Variants in NPAS3 observed in about 807,000 individuals in gnomAD.
NPAS3 encodes the protein neuronal PAS domain protein 3, also known as neuronal PAS domain-containing protein 3.
In NPAS3, 14 loss-of-function variants were observed where a neutral mutation model predicts 73.1. The observed-to-expected ratio is 0.19, with a 90% CI of 0.13 to 0.30. The LOEUF (loss-of-function observed/expected upper bound fraction) is 0.30. Among genes scored for constraint, NPAS3 ranks in the 10% least tolerant of loss-of-function variants. The pLI is 1.00. For missense variants in NPAS3, 1,096 were observed against 1,250.0 expected, an observed-to-expected ratio of 0.88 and a Z score of 1.86; for synonymous variants, 620 against 541.5, an observed-to-expected ratio of 1.14 and a Z score of -2.01.
intron 3 of NPAS3, among the ~76,000 whole-genome samples, chr14:33,334,576 G>A (rs2044130309): frequency 6.6e-6 from 1 of 152,146 alleles, no homozygotes; most frequent in African/African-American, 2.4e-5. Flanking sequence ...GTCTCCAGTA[G>A]TCTTATTTAA....
At chr14:33,285,391 G>C (rs716193) in intron 3 of NPAS3, among the ~76,000 whole-genome samples, 4,314 of 152,058 alleles carry the variant, frequency 0.028, 162 homozygotes, top group African/African-American at 0.09. Flanking sequence ...CTGGAGAATA[G>C]ACAGCATACT....
chr14:33,202,497 A>T (rs1037193856), intron 2 of NPAS3, among the ~76,000 whole-genome samples: 3 of 152,162 alleles, frequency 2.0e-5, no homozygotes, highest in Non-Finnish European at 4.4e-5. Flanking sequence ...TCAAAGGCAG[A>T]TTTTTATGAG....
At chr14:33,595,933 G>A (rs1265145755) in intron 5 of NPAS3, among the ~76,000 whole-genome samples, 1 of 152,166 alleles carries the variant, frequency 6.6e-6, no homozygotes, top group Non-Finnish European at 1.5e-5. Context: ...GCCTCCCAAA[G>A]TGCTAGATTT....
chr14:32,962,465 T>C (rs1435330378), intron 1 of NPAS3, among the ~76,000 whole-genome samples: 1 of 152,108 alleles, frequency 6.6e-6, no homozygotes, highest in East Asian at 1.9e-4. Flanking sequence ...TATTAACAGA[T>C]AGATTACTAA....
At chr14:33,523,004 C>T (rs1221800187) in intron 4 of NPAS3, among the ~76,000 whole-genome samples, 3 of 152,130 alleles carry the variant, frequency 2.0e-5, no homozygotes. Context: ...TCCTTATAGG[C>T]ATGCACCATG....
chr14:33,428,434 G>T (rs901907388), intron 4 of NPAS3, among the ~76,000 whole-genome samples: 4 of 152,078 alleles, frequency 2.6e-5, no homozygotes, highest in Non-Finnish European at 4.4e-5. Flanking sequence ...CTACAGATTT[G>T]TTTATAGATG....
intron 2 of NPAS3, among the ~76,000 whole-genome samples, chr14:33,106,909 C>T (rs1333341343): frequency 6.6e-6 from 1 of 152,102 alleles, no homozygotes; most frequent in Non-Finnish European, 1.5e-5. Flanking sequence ...AGTGACACAT[C>T]TGAAAACAGG....
chr14:33,185,086 C>G (rs956258475), intron 2 of NPAS3, among the ~76,000 whole-genome samples: 5 of 152,142 alleles, frequency 3.3e-5, no homozygotes, highest in Non-Finnish European at 7.4e-5. Context: ...CTCTTGTCCA[C>G]AAAGGGCTTA....
At chr14:32,989,624 G>T (rs996560001) in intron 1 of NPAS3, among the ~76,000 whole-genome samples, 2 of 152,008 alleles carry the variant, frequency 1.3e-5, no homozygotes, top group African/African-American at 4.8e-5. Flanking sequence ...CAGCCTGGGC[G>T]ACAGCGAGAC....
chr14:33,708,301 G>A (rs1453710292), intron 6 of NPAS3, among the ~76,000 whole-genome samples: 1 of 152,174 alleles, frequency 6.6e-6, no homozygotes, highest in Non-Finnish European at 1.5e-5. Flanking sequence ...ATCCTTTGAA[G>A]AAGTCCCCAA....
intron 3 of NPAS3, among the ~76,000 whole-genome samples, chr14:33,350,780 A>G (rs1003643640): frequency 8.5e-5 from 13 of 152,234 alleles, no homozygotes; most frequent in African/African-American, 3.1e-4. Context: ...TTTACTGGGT[A>G]GCTTTACCAA....
At chr14:33,075,049 A>G (rs1466077507) in intron 2 of NPAS3, among the ~76,000 whole-genome samples, 2 of 152,198 alleles carry the variant, frequency 1.3e-5, no homozygotes, top group Non-Finnish European at 2.9e-5. Flanking sequence ...TTGTATAGAA[A>G]GTAGATTTTT....
chr14:33,037,403 G>A (rs139439246), intron 1 of NPAS3, among the ~76,000 whole-genome samples: 56 of 151,788 alleles, frequency 3.7e-4, no homozygotes, highest in African/African-American at 1.3e-3. Flanking sequence ...TCAGCAATTT[G>A]GGAGGCAAGG....
intron 1 of NPAS3, among the ~76,000 whole-genome samples, chr14:32,994,610 A>G (rs2139504876): frequency 7.5e-6 from 1 of 132,584 alleles, no homozygotes; most frequent in Non-Finnish European, 1.6e-5. Flanking sequence ...TCGCCATTCT[A>G]GTTTTTTGTT....
intron 2 of NPAS3, among the ~76,000 whole-genome samples, chr14:33,128,410 T>C (rs1183141722): frequency 6.6e-6 from 1 of 152,152 alleles, no homozygotes; most frequent in African/African-American, 2.4e-5. Context: ...TACCAGAAAT[T>C]TGTTATCTTA....
In NPAS3 at chr14:33,007,235, G is replaced by A. The variant is rs560834546; in HGVS notation, c.51-48670G>A. 5.3e-5 allele frequency among the ~76,000 whole-genome samples: 8 copies of A among 152,330 alleles called. No homozygotes were observed. The South Asian group carries it at 8.3e-4, about 16-fold the overall frequency. On this transcript the variant is annotated intron_variant, in intron 1 of 11. Transcript: ENST00000356141. The stretch of plus-strand genomic sequence containing the variant: ...GGGGTCTTAGTAGCGCCCGGCGCAA[G>A]CATCCTGGATGCCACAAGGTGCAGG...
chr14:33,021,768 A>G (rs539225541), intron 1 of NPAS3, among the ~76,000 whole-genome samples: 2 of 152,152 alleles, frequency 1.3e-5, no homozygotes, highest in East Asian at 1.9e-4. Context: ...TAAATAAAAT[A>G]TTTTGTGTTG....
chr14:33,092,948 C>T (rs1307542149), intron 2 of NPAS3, among the ~76,000 whole-genome samples: 1 of 152,190 alleles, frequency 6.6e-6, no homozygotes, highest in Non-Finnish European at 1.5e-5. Context: ...CCCTTCCTTA[C>T]ACCTTATACA....
Position 33,800,731 on chromosome 14 carries a change from G to C in NPAS3, c.2424G>C (p.Arg808Ser). The C allele has an allele frequency of 6.4e-7, 1 of 1,555,174 alleles. No homozygotes were observed. The highest frequency in any genetic ancestry group is 8.7e-7 in the Non-Finnish European group (1 of 1,152,068). Residue 808 changes from arginine to serine, a missense_variant, in exon 12 of 12, where the codon AGG (arginine) becomes AGC (serine). Physicochemically the swap from Arg to Ser is moderately radical, Grantham distance 110 (BLOSUM62 -1). Around this residue, in one of 5 missense-constraint regions of NPAS3, gnomAD observed 698 missense variants for 676.7 expected, o/e 1.03. Coordinates refer to ENST00000356141, the Ensembl canonical transcript of NPAS3. The surrounding 1 kb of genome is among the most constrained non-coding windows in gnomAD (Gnocchi z 6.5). ...ACGTCGTGCTCCCGCTGGTGCACAG[G>C]GTGACCGGGACCCTGGCCGCCACCA...
Sources: gnomAD v4.1 joint callset for allele counts (sites outside exome capture counted in the v4.1 genomes callset) on GRCh38, gnomAD v4.1.1 for gene constraint, gnomAD v4.1.1 regional missense constraint, Gnocchi (gnomAD v3.1) non-coding constraint, MANE v1.5 for transcripts, NCBI Gene and HGNC (gene_info 2026-07-23, HGNC 2026-07-21) for gene names.